The following NUP153 variants were observed in gnomAD, a reference collection of about 807,000 sequenced individuals.
NUP153 encodes the protein nuclear pore complex protein Nup153.
A neutral mutation model predicts 134.6 loss-of-function variants in NUP153; 27 were observed. That is an observed-to-expected ratio of 0.20 (90% CI 0.15 to 0.28). The LOEUF (loss-of-function observed/expected upper bound fraction) is 0.28. Among genes scored for constraint, NUP153 ranks in the 10% least tolerant of loss-of-function variants. The pLI, the probability that NUP153 is intolerant of heterozygous loss-of-function variation, is 1.00. For missense variants in NUP153, 1,821 were observed against 1,731.3 expected, an observed-to-expected ratio of 1.05 and a Z score of -0.92; for synonymous variants, 640 against 623.5, an observed-to-expected ratio of 1.03 and a Z score of -0.40.
intron 1 of NUP153, among the ~76,000 whole-genome samples, chr6:17,705,026 G>A (rs140070600): frequency 0.019 from 2,943 of 152,250 alleles, 96 homozygotes; most frequent in African/African-American, 0.067. Context: ...CAAAGTGCTG[G>A]GATTACAGGC....
chr6:17,651,307 C>G (rs1766482458), intron 11 of NUP153, among the ~76,000 whole-genome samples: 1 of 151,640 alleles, frequency 6.6e-6, no homozygotes, highest in Non-Finnish European at 1.5e-5. Flanking sequence ...TCTCAAAAAA[C>G]AAAAACAAAA....
At chr6:17,622,492 A>G (rs1463145743) in intron 20 of NUP153, among the ~76,000 whole-genome samples, 1 of 152,134 alleles carries the variant, frequency 6.6e-6, no homozygotes. Flanking sequence ...ATTTTCTAAC[A>G]TCTTTACTAT....
chr6:17,705,585 T>TGGGGGGGGGGGGGGGG (rs200771105), intron 1 of NUP153, among the ~76,000 whole-genome samples: 2 of 40,158 alleles, frequency 5.0e-5, no homozygotes, highest in African/African-American at 1.9e-4. Flanking sequence ...GTGGCGGTGT[T>TGGGGGGGGGGGGGGGG]GGGGGGGGGG....
In NUP153 at chr6:17,706,691, C is replaced by T; in HGVS notation, c.-304G>A. On this transcript the variant is annotated 5_prime_UTR_variant, in exon 1 of 22. Transcript: ENST00000262077. The surrounding 1 kb of genome is among the most constrained non-coding windows in gnomAD (Gnocchi z 5.9). The stretch of plus-strand genomic sequence containing the variant: ...CTCTATGGAGATCTCCCGCAGAGGA[C>T]AGCACGAACAGTTCCCCGCGGTGCT... The T allele has an allele frequency of 2.3e-6, 1 of 434,996 alleles. No individual in the cohort carries two copies. The allele number at this position is 434,996 out of a possible 1,614,324, so 26.9% of individuals were successfully genotyped here.
chr6:17,660,702 T>C (rs1767125090), intron 11 of NUP153, among the ~76,000 whole-genome samples: 2 of 152,112 alleles, frequency 1.3e-5, no homozygotes, highest in African/African-American at 2.4e-5. Flanking sequence ...CTATCTATTG[T>C]CATATGGTGG....
At position 17,625,731 on chromosome 6, in the gene NUP153, T is replaced by C. The variant is rs1029760867; in HGVS notation, c.3901+77A>G. 9.0e-7 allele frequency: 1 copy of C among 1,110,914 alleles called. No individual in the cohort carries two copies. Among genetic ancestry groups the C allele is most frequent in the African/African-American group, 1.5e-5 (1 of 64,616 alleles). 68.8% of individuals were successfully genotyped at this position (1,110,914 alleles called of 1,614,324 possible). On this transcript the variant is annotated intron_variant, in intron 19 of 21. Transcript: ENST00000262077. This position sits in a 1 kb window ranked among gnomAD's most constrained non-coding sequence, Gnocchi z 4.7. ...CACCATTTTGTGATAACCTGCTATATGATATTCGCTAAGAACTGACACACT... is the reference window on the plus strand; with the variant it reads ...CACCATTTTGTGATAACCTGCTATACGATATTCGCTAAGAACTGACACACT...
chr6:17,664,677 G>C (rs993487503), intron 9 of NUP153, among the ~76,000 whole-genome samples: 11 of 152,136 alleles, frequency 7.2e-5, no homozygotes, highest in Non-Finnish European at 1.5e-4. Context: ...GAAAGAAACA[G>C]ATAAAGCAAA....
chr6:17,665,819 T>G (rs1767501485), intron 8 of NUP153, among the ~76,000 whole-genome samples: 1 of 151,800 alleles, frequency 6.6e-6, no homozygotes, highest in Non-Finnish European at 1.5e-5. Context: ...CAGCCTCCTG[T>G]GTACACAGGC....
At chr6:17,635,900 T>C (rs866750405) in intron 16 of NUP153, among the ~76,000 whole-genome samples, 2 of 152,262 alleles carry the variant, frequency 1.3e-5, no homozygotes, top group Admixed American at 1.3e-4. Context: ...CCTTTGTTCA[T>C]GTGTAACAAA....
In NUP153 at chr6:17,706,414, C is replaced by G. The variant is rs1489608101; in HGVS notation, c.-27G>C. On this transcript the variant is annotated 5_prime_UTR_variant, in exon 1 of 22. Transcript: ENST00000262077. The surrounding 1 kb of genome is among the most constrained non-coding windows in gnomAD (Gnocchi z 5.9). Reference sequence around the variant, plus strand: ...GCGGAGCCTCCGCCGCTTCCCGCTCCGGGGCGGGTAAGGGGGCGGGAGAGG... The same window carrying G: ...GCGGAGCCTCCGCCGCTTCCCGCTCGGGGGCGGGTAAGGGGGCGGGAGAGG... 2.5e-6 allele frequency: 4 copies of G among 1,585,344 alleles called. No individual in the cohort carries two copies. The highest frequency in any genetic ancestry group is 3.4e-6 in the Non-Finnish European group (4 of 1,159,680).
chr6:17,683,715 T>C (rs928273283), intron 2 of NUP153, among the ~76,000 whole-genome samples: 13 of 151,096 alleles, frequency 8.6e-5, no homozygotes, highest in African/African-American at 3.1e-4. Flanking sequence ...ACCAGTTGCA[T>C]TAACCCCTAA....
In NUP153 at chr6:17,624,590, G is replaced by A; in HGVS notation, c.4145C>T (p.Ala1382Val). 1 of 1,614,172 alleles carries A rather than the reference G, an allele frequency of 6.2e-7. No homozygotes were observed. The highest frequency in any genetic ancestry group is 1.1e-5 in the South Asian group (1 of 91,084). The stretch of plus-strand genomic sequence containing the variant: ...ATTAGGAGTTGTTCCAGAGCCAAAT[G>A]CAGACTGACTAGGTTGCTGTCCAAA... ...PVFGQQPSQS[A>V]FGSGTTPNSS... is the part of the protein sequence containing the mutation. Residue 1382 changes from alanine (A) to valine (V), a missense_variant, in exon 20 of 22, where the codon GCA (alanine) becomes GTA (valine). By Grantham distance (64) the Ala-to-Val change is moderately conservative. Transcript: ENST00000262077.
In NUP153 at chr6:17,625,831, G is replaced by A. The variant is rs767745826; in HGVS notation, c.3878C>T (p.Ala1293Val). 3.7e-5 allele frequency: 59 copies of A among 1,613,664 alleles called. No individual in the cohort carries two copies. Among genetic ancestry groups the A allele is most frequent in the Non-Finnish European group, 4.7e-5 (56 of 1,179,700 alleles). Reference sequence around the variant, plus strand: ...ACCTGCAGAGCTAGATGTGGTTGTGGCTCCAAAGCCGAAACCAGAGGTGGT... The same window carrying A: ...ACCTGCAGAGCTAGATGTGGTTGTGACTCCAAAGCCGAAACCAGAGGTGGT... Reference protein sequence around the residue: ...NTTTSGFGFGATTTSSSAGSS... With the variant: ...NTTTSGFGFGVTTTSSSAGSS... Residue 1293 changes from alanine (A) to valine (V), a missense_variant, in exon 19 of 22, where the codon GCC becomes GTC. Transcript: ENST00000262077. The surrounding 1 kb of genome is among the most constrained non-coding windows in gnomAD (Gnocchi z 4.7).
chr6:17,622,002 GATT>G (rs1259588637), intron 20 of NUP153, among the ~76,000 whole-genome samples: 2 of 151,854 alleles, frequency 1.3e-5, no homozygotes, highest in Non-Finnish European at 2.9e-5. Context: ...AATGCTTTTG[GATT>G]ATTACTAAAA....
chr6:17,635,110 T>TTC (rs1401237128), intron 16 of NUP153, among the ~76,000 whole-genome samples: 3 of 89,928 alleles, frequency 3.3e-5, no homozygotes, highest in Non-Finnish European at 9.1e-5. Flanking sequence ...TTATCTTTTT[T>TTC]TTTTTTTTTT....
chr6:17,677,301 C>T (rs1430146361), intron 2 of NUP153, among the ~76,000 whole-genome samples: 4 of 152,076 alleles, frequency 2.6e-5, no homozygotes, highest in Non-Finnish European at 5.9e-5. Flanking sequence ...CAAGAACCAA[C>T]ACTCTTCAGA....
chr6:17,626,662 T>C (rs1400304563), intron 18 of NUP153, among the ~76,000 whole-genome samples: 1 of 152,226 alleles, frequency 6.6e-6, no homozygotes, highest in East Asian at 1.9e-4. Context: ...TGCATATACT[T>C]GTTTCCTCTA....
intron 11 of NUP153, among the ~76,000 whole-genome samples, chr6:17,654,858 G>A (rs1766717669): frequency 1.4e-5 from 2 of 148,020 alleles, no homozygotes; most frequent in South Asian, 2.1e-4. Context: ...AGAAAGTAAG[G>A]CAGGGAGATA....
chr6:17,698,941 T>A lies in NUP153; in HGVS notation c.111+7336A>T, dbSNP rs186486670. The stretch of plus-strand genomic sequence containing the variant: ...TCACTAAAAGTTACCTACAAGATAC[T>A]ATCACACTTTTTCTCAGGTAACATG... On this transcript the variant is annotated intron_variant, in intron 1 of 21. Transcript: ENST00000262077. 2.0e-5 allele frequency among the ~76,000 whole-genome samples: 3 copies of A among 151,878 alleles called. No individual in the cohort carries two copies. The East Asian group carries it at 5.8e-4, about 29-fold the overall frequency.
Sources: allele counts gnomAD v4.1 joint callset (sites outside exome capture counted in the v4.1 genomes callset), GRCh38; gene constraint gnomAD v4.1.1; non-coding constraint Gnocchi (gnomAD v3.1); transcripts MANE v1.5; gene names NCBI Gene and HGNC (gene_info 2026-07-23, HGNC 2026-07-21).